Variants in SDK1 observed in about 807,000 individuals in gnomAD.
SDK1 encodes protein sidekick-1.
Under a neutral mutation model 245.5 loss-of-function variants are expected in SDK1, and 157 were observed. The observed-to-expected ratio is 0.64, with a 90% CI of 0.56 to 0.73. The LOEUF (loss-of-function observed/expected upper bound fraction) is 0.73. SDK1 is among the 30% of genes least tolerant of loss of function. SDK1 has a pLI of 0.00. For missense variants in SDK1, 3,583 were observed against 3,002.3 expected (o/e 1.19, Z -4.52); for synonymous variants, 1,647 against 1,278.5 (o/e 1.29, Z -6.15).
intron 1 of SDK1, among the ~76,000 whole-genome samples, chr7:3,529,307 C>A (rs1783262538): frequency 6.6e-6 from 1 of 152,230 alleles, no homozygotes; most frequent in East Asian, 1.9e-4. Flanking sequence ...AAATTCCATC[C>A]TCTACTAAAA....
chr7:3,580,984 AAAAAAAAAAACCAAAAC>A (rs1185350408), intron 1 of SDK1, among the ~76,000 whole-genome samples: 28 of 139,446 alleles, frequency 2.0e-4, no homozygotes, highest in African/African-American at 2.7e-4. Context: ...AAAAAAAAAA[AAAAAAAAAAACCAAAAC>A]AAAACCCTGG....
intron 4 of SDK1, among the ~76,000 whole-genome samples, chr7:3,656,816 C>T (rs2082360): frequency 0.22 from 33,656 of 150,800 alleles, 4,566 homozygotes; most frequent in Non-Finnish European, 0.3. Flanking sequence ...GGCGCAATCT[C>T]GGCTCACTGC....
rs145413077 is a variant in SDK1, at chr7:4,194,930, T to C, written c.5099-10949T>C. Among the ~76,000 whole-genome samples the C allele has an allele frequency of 8.9e-4, 136 of 152,320 alleles. 4 individuals carry two copies. The East Asian group carries it at 0.024, about 27-fold the overall frequency. ...ACCTAAGAAAATTATAATAATTGCT[T>C]AGTGTAATCGGTTAGCTAGTCAGCA... On this transcript the variant is annotated intron_variant, in intron 35 of 44. Transcript: ENST00000404826.
intron 13 of SDK1, among the ~76,000 whole-genome samples, chr7:3,975,065 C>T (rs533093378): frequency 2.9e-4 from 44 of 152,290 alleles, no homozygotes; most frequent in Admixed American, 2.5e-3. Flanking sequence ...CTGCCCGTTA[C>T]TTCCAATCTG....
chr7:3,828,710 A>G (rs1355443487), intron 5 of SDK1, among the ~76,000 whole-genome samples: 1 of 132,224 alleles, frequency 7.6e-6, no homozygotes, highest in East Asian at 2.3e-4. Flanking sequence ...GGAGTGCAGT[A>G]GTGAGATCAT....
intron 1 of SDK1, among the ~76,000 whole-genome samples, chr7:3,313,202 A>T (rs1779590181): frequency 6.6e-6 from 1 of 152,140 alleles, no homozygotes; most frequent in African/African-American, 2.4e-5. Flanking sequence ...AGGTCAAGAG[A>T]TCGAGACCAT....
intron 4 of SDK1, among the ~76,000 whole-genome samples, chr7:3,801,634 T>C (rs117745121): frequency 5.3e-5 from 8 of 152,200 alleles, no homozygotes; most frequent in African/African-American, 1.9e-4. Context: ...TCCTTCTCAT[T>C]GATAAGGACC....
chr7:3,591,483 T>C (rs10951255), intron 1 of SDK1, among the ~76,000 whole-genome samples: 29,117 of 152,280 alleles, frequency 0.19, 3,358 homozygotes, highest in South Asian at 0.29. Context: ...TTTGGCCACG[T>C]TGTGAAAGTC....
intron 1 of SDK1, among the ~76,000 whole-genome samples, chr7:3,611,690 C>T (rs775841103): frequency 3.3e-5 from 5 of 152,134 alleles, no homozygotes; most frequent in Non-Finnish European, 7.3e-5. Flanking sequence ...CCCTTTTCAC[C>T]ACGTCCCTGC....
In SDK1 at chr7:3,812,826, T is replaced by A. The variant is rs556022011; in HGVS notation, c.714-8624T>A. ...GCAGTTGTGCTGAGCTGCAATCCCA[T>A]TTGCCCAGGACTTCTTGGTCTGTGC... is the stretch of plus-strand genomic sequence containing the variant. On this transcript the variant is annotated intron_variant, in intron 4 of 44. Coordinates refer to ENST00000404826, the MANE Select transcript of SDK1 (RefSeq NM_152744.4). Among the ~76,000 whole-genome samples the A allele has an allele frequency of 5.9e-5, 9 of 152,320 alleles. No individual in the cohort carries two copies. In the East Asian group the frequency reaches 1.5e-3, roughly 26 times the overall value.
At chr7:3,788,836 C>G (rs1027504676) in intron 4 of SDK1, among the ~76,000 whole-genome samples, 1 of 152,112 alleles carries the variant, frequency 6.6e-6, no homozygotes, top group African/African-American at 2.4e-5. Flanking sequence ...CTCCCAGTTC[C>G]GAGAGAGGAG....
intron 1 of SDK1, among the ~76,000 whole-genome samples, chr7:3,404,992 C>T (rs1779009814): frequency 6.6e-6 from 1 of 151,884 alleles, no homozygotes; most frequent in Non-Finnish European, 1.5e-5. Flanking sequence ...TGAACAAAAA[C>T]AAGTGAATTT....
At chr7:3,616,299 G>A (rs925696063) in intron 1 of SDK1, among the ~76,000 whole-genome samples, 4 of 152,182 alleles carry the variant, frequency 2.6e-5, no homozygotes, top group Non-Finnish European at 4.4e-5. Flanking sequence ...TCGGACACTT[G>A]AATGTGAGGT....
intron 34 of SDK1, among the ~76,000 whole-genome samples, chr7:4,177,822 G>C (rs1049210744): frequency 5.9e-5 from 9 of 152,196 alleles, no homozygotes; most frequent in Admixed American, 6.5e-5. Context: ...CGTAGAATCA[G>C]TGGGAGCCCT....
chr7:3,569,983 C>A (rs937734078), intron 1 of SDK1, among the ~76,000 whole-genome samples: 3 of 152,124 alleles, frequency 2.0e-5, no homozygotes, highest in African/African-American at 7.2e-5. Context: ...GCCTTAGGAC[C>A]ATTATTTTCT....
chr7:3,991,894 A>G (rs1256589069), intron 14 of SDK1, among the ~76,000 whole-genome samples: 1 of 152,234 alleles, frequency 6.6e-6, no homozygotes, highest in South Asian at 2.1e-4. Context: ...TTTATTAGCA[A>G]CAAATGCCCT....
chr7:3,544,858 AG>A (rs952837628), intron 1 of SDK1, among the ~76,000 whole-genome samples: 1 of 152,192 alleles, frequency 6.6e-6, no homozygotes, highest in Non-Finnish European at 1.5e-5. Context: ...ACAGTTACCC[AG>A]GGACTCAGGC....
intron 5 of SDK1, among the ~76,000 whole-genome samples, chr7:3,872,801 G>A (rs1780988729): frequency 6.6e-6 from 1 of 151,900 alleles, no homozygotes; most frequent in African/African-American, 2.4e-5. Flanking sequence ...TTAAAAATCT[G>A]AATCTACCTC....
At position 3,663,087 on chromosome 7, in the gene SDK1, T is replaced by G. The variant is rs1783416555; in HGVS notation, c.713+20982T>G. ...GATCTCATTTTGGACTTTGAAGGAGTGCATAATTAGATTATTTTGTTTCCA... is the reference window on the plus strand; with the variant it reads ...GATCTCATTTTGGACTTTGAAGGAGGGCATAATTAGATTATTTTGTTTCCA... On this transcript the variant is annotated intron_variant, in intron 4 of 44. Coordinates refer to ENST00000404826, the MANE Select transcript of SDK1 (RefSeq NM_152744.4). 2.6e-5 allele frequency among the ~76,000 whole-genome samples: 4 copies of G among 152,248 alleles called. No homozygotes were observed. The South Asian group carries it at 6.2e-4, about 24-fold the overall frequency.
Sources: gnomAD v4.1 joint callset for allele counts (sites outside exome capture counted in the v4.1 genomes callset) on GRCh38, gnomAD v4.1.1 for gene constraint, MANE v1.5 for transcripts, NCBI Gene and HGNC (gene_info 2026-07-23, HGNC 2026-07-21) for gene names.